The following ARHGAP27 variants were observed in gnomAD, a reference collection of about 807,000 sequenced individuals.
The protein encoded by ARHGAP27 is rho GTPase-activating protein 27.
Under a neutral mutation model 102.0 loss-of-function variants are expected in ARHGAP27, and 53 were observed. That is an observed-to-expected ratio of 0.52 (90% confidence interval 0.42 to 0.65). ARHGAP27 has a LOEUF of 0.65. Ranked by LOEUF, ARHGAP27 falls within the 30% of genes least tolerant of loss-of-function variation. The probability of loss-of-function intolerance (pLI) is 0.00; values close to 1 mark genes in which losing one functional copy is unlikely to be tolerated. For missense variants in ARHGAP27, 1,117 were observed against 1,256.2 expected (o/e 0.89, Z 1.68); for synonymous variants, 525 against 542.8 (o/e 0.97, Z 0.46).
Position 45,429,613 on chromosome 17 carries a change from G to A in ARHGAP27, c.657+10C>T, listed in dbSNP as rs1416287840. 2 of 1,576,380 alleles carry A rather than the reference G, an allele frequency of 1.3e-6. No homozygotes were observed. The highest frequency in any genetic ancestry group is 1.7e-6 in the Non-Finnish European group (2 of 1,161,180). On this transcript the variant is annotated intron_variant, in intron 4 of 19. Coordinates refer to ENST00000685559, the MANE Select transcript of ARHGAP27 (RefSeq NM_001282290.2). ...CACCCGCCTCCGCGCCCCAGCGCCC[G>A]GGGAGGTACCTGCTCTGCGCTCTCC...
At chr17:45,425,493 C>T (rs1464924413) in intron 4 of ARHGAP27, 4 of 944,168 alleles carry the variant, frequency 4.2e-6, no homozygotes, top group Non-Finnish European at 5.0e-6. Flanking sequence ...TTTTAGGATT[C>T]GGGAAAGGGA....
At chr17:45,397,296 T>A (rs2045872596) in intron 13 of ARHGAP27, 1 of 1,339,372 alleles carries the variant, frequency 7.5e-7, no homozygotes, top group Non-Finnish European at 9.5e-7. Context: ...CCTACCCACC[T>A]GGTGCCTTCT....
At chr17:45,398,146 C>A in intron 12 of ARHGAP27, 99 bp from the exon 13 acceptor site, 1 of 897,468 alleles carries the variant, frequency 1.1e-6, no homozygotes, top group African/African-American at 1.7e-5. Flanking sequence ...GGTGACCTGT[C>A]CCTGCCCCCA....
intron 4 of ARHGAP27, among the ~76,000 whole-genome samples, chr17:45,420,255 C>T (rs2048898761): frequency 6.6e-6 from 1 of 152,226 alleles, no homozygotes; most frequent in South Asian, 2.1e-4. Flanking sequence ...TAGGTACAAT[C>T]TCCAAGATAC....
chr17:45,405,037 C>T lies in ARHGAP27; in HGVS notation c.1135G>A (p.Gly379Ser). Residue 379 changes from glycine (G) to serine (S), a missense_variant, in exon 6 of 20, where the codon GGC becomes AGC. Around this residue, in one of 3 missense-constraint regions of ARHGAP27, gnomAD observed 610 missense variants for 716.4 expected, o/e 0.85. Coordinates refer to ENST00000685559, the MANE Select transcript of ARHGAP27 (RefSeq NM_001282290.2). The part of the protein sequence containing the change: ...SYPEEDYSPV[G>S]SFGEPGPTSP... Reference sequence around the variant, plus strand: ...GTAGGGCCGGGCTCACCGAAAGAGCCCACGGGAGAATAGTCCTCCTCGGGG... The same window carrying T: ...GTAGGGCCGGGCTCACCGAAAGAGCTCACGGGAGAATAGTCCTCCTCGGGG... The T allele has an allele frequency of 6.2e-7, 1 of 1,613,554 alleles. No homozygotes were observed. The highest frequency in any genetic ancestry group is 1.7e-4 in the Middle Eastern group (1 of 6,054).
intron 9 of ARHGAP27, 26 bp from the exon 10 acceptor site, chr17:45,404,122 G>A (rs994917579): frequency 9.3e-6 from 15 of 1,613,470 alleles, no homozygotes; most frequent in African/African-American, 2.7e-5. Flanking sequence ...GAGAGCAGGC[G>A]CAAGAGTGTG....
At chr17:45,412,927 T>C (rs965551450) in intron 4 of ARHGAP27, among the ~76,000 whole-genome samples, 2 of 143,618 alleles carry the variant, frequency 1.4e-5, no homozygotes, top group African/African-American at 2.5e-5. Flanking sequence ...GATTTGACTG[T>C]GCCTCCCAGG....
Position 45,395,462 on chromosome 17 carries a change from C to T in ARHGAP27, c.2664G>A (p.Pro888=), listed in dbSNP as rs890757550. 2.6e-6 allele frequency: 4 copies of T among 1,558,888 alleles called. No homozygotes were observed. In the Admixed American group the frequency reaches 5.7e-5, roughly 22 times the overall value. The change falls in exon 20 of 20, where the codon CCG becomes CCA. Residue 888 remains proline (P), a synonymous_variant. Coordinates refer to ENST00000685559, the MANE Select transcript of ARHGAP27 (RefSeq NM_001282290.2). ...ILQQCADIFP[P]H is the part of the protein sequence containing the mutation. ...CCCAGTCACAGGCCAGCAGTCAGTG[C>T]GGCGGGAAGATGTCCGCGCACTGCT...
At chr17:45,402,912 T>A in intron 11 of ARHGAP27, 94 bp from the exon 12 acceptor site, 1 of 1,126,424 alleles carries the variant, frequency 8.9e-7, no homozygotes, top group Middle Eastern at 2.1e-4. Flanking sequence ...GTCACTGGCA[T>A]GGCCAGGAAA....
In ARHGAP27 at chr17:45,429,692, G is replaced by T; in HGVS notation, c.588C>A (p.Ser196Arg). Residue 196 changes from serine (S) to arginine (R), a missense_variant, in exon 4 of 20, where the codon AGC becomes AGA. By Grantham distance (110) the Ser-to-Arg change is moderately radical (BLOSUM62 -1). Coordinates refer to ENST00000685559, the MANE Select transcript of ARHGAP27 (RefSeq NM_001282290.2). ...TGACCTCGTAGACGTTCTCTGAGTCGCTGCGCGCCAGAGGCCGCGGGCACA... is the reference window on the plus strand; with the variant it reads ...TGACCTCGTAGACGTTCTCTGAGTCTCTGCGCGCCAGAGGCCGCGGGCACA... ...SWVCPRPLAR[S>R]DSENVYEVIQ... 9 of 1,565,970 alleles carry T rather than the reference G, an allele frequency of 5.7e-6. No homozygotes were observed. Among genetic ancestry groups the T allele is most frequent in the Non-Finnish European group, 6.9e-6 (8 of 1,155,482 alleles).
intron 4 of ARHGAP27, chr17:45,407,935 T>C (rs2144620786): frequency 6.6e-6 from 1 of 152,254 alleles, no homozygotes; most frequent in East Asian, 1.9e-4. Context: ...GCACTGTGAT[T>C]ATAGGGGTTT....
In ARHGAP27 at chr17:45,430,435, A is replaced by AG; in HGVS notation, c.-18-139_-18-138insC. 2 of 1,276,582 alleles carry AG rather than the reference A, an allele frequency of 1.6e-6. No homozygotes were observed. Among genetic ancestry groups the AG allele is most frequent in the Non-Finnish European group, 2.1e-6 (2 of 955,108 alleles). 79.1% of individuals were successfully genotyped at this position (1,276,582 alleles called of 1,614,324 possible). On this transcript the variant is annotated intron_variant, in intron 3 of 19. Coordinates refer to ENST00000685559, the MANE Select transcript of ARHGAP27 (RefSeq NM_001282290.2). The surrounding 1 kb of genome is among the most constrained non-coding windows in gnomAD (Gnocchi z 4.4). The stretch of plus-strand genomic sequence containing the variant: ...TTCGGGCCTCAGTTTTCCCATCTCT[A>AG]AAATGGGAACTTGCATAAAATCACA...
At chr17:45,416,036 T>TTG (rs1407199638) in intron 4 of ARHGAP27, among the ~76,000 whole-genome samples, 1 of 151,900 alleles carries the variant, frequency 6.6e-6, no homozygotes, top group Admixed American at 6.6e-5. Context: ...GTTTTTGTTT[T>TTG]TTTTTTTTGT....
At position 45,427,962 on chromosome 17, in the gene ARHGAP27, T is replaced by G. The variant is rs572284342; in HGVS notation, c.657+1661A>C. ...CAGGACCTGGGCAGTCTCCTTCCTC[T>G]TTGGTCCTGGGGCCTGGGGTGTTGG... On this transcript the variant is annotated intron_variant, in intron 4 of 19. Transcript: ENST00000685559. This position sits in a 1 kb window ranked among gnomAD's most constrained non-coding sequence, Gnocchi z 4.5. 5.9e-5 allele frequency among the ~76,000 whole-genome samples: 9 copies of G among 152,322 alleles called. No individual in the cohort carries two copies. In the South Asian group the frequency reaches 1.7e-3, roughly 28 times the overall value.
At chr17:45,421,526 T>C (rs1414941912) in intron 4 of ARHGAP27, among the ~76,000 whole-genome samples, 7 of 151,758 alleles carry the variant, frequency 4.6e-5, no homozygotes, top group Non-Finnish European at 1.0e-4. Flanking sequence ...AAGCAACAAA[T>C]AGATGTTCCT....
rs1597874562 is a variant in ARHGAP27, at chr17:45,427,784, C to T, written c.657+1839G>A. On this transcript the variant is annotated intron_variant, in intron 4 of 19. Coordinates refer to ENST00000685559, the MANE Select transcript of ARHGAP27 (RefSeq NM_001282290.2). The surrounding 1 kb of genome is among the most constrained non-coding windows in gnomAD (Gnocchi z 4.5). ...TCTCTGGCCAATGTCCTAGATTCCC[C>T]CCCTGGGTAAGTCCCCTACCCCTAT... Among the ~76,000 whole-genome samples the T allele has an allele frequency of 6.6e-6, 1 of 152,200 alleles. No individual in the cohort carries two copies. Among genetic ancestry groups the T allele is most frequent in the Non-Finnish European group, 1.5e-5 (1 of 68,026 alleles).
chr17:45,426,958 C>G (rs752981144), intron 4 of ARHGAP27, among the ~76,000 whole-genome samples: 1 of 152,168 alleles, frequency 6.6e-6, no homozygotes, highest in Non-Finnish European at 1.5e-5. Flanking sequence ...CACTCTCATG[C>G]TTCTCTTCCC....
At position 45,403,718 on chromosome 17, in the gene ARHGAP27, G is replaced by A. The variant is rs772188351; in HGVS notation, c.1548-9C>T. 9.9e-6 allele frequency: 16 copies of A among 1,608,114 alleles called. No homozygotes were observed. The African/African-American group carries it at 1.9e-4, about 19-fold the overall frequency. On this transcript the variant is annotated splice_polypyrimidine_tract_variant and intron_variant, in intron 10 of 19. Coordinates refer to ENST00000685559, the MANE Select transcript of ARHGAP27 (RefSeq NM_001282290.2). ...CACTCCAGTGCTTCTTCCTAGGTGG[G>A]GGTGGGGAAGTGGGGGTGGCAGGAC...
At chr17:45,429,325 T>C (rs1372766654) in intron 4 of ARHGAP27, 2 of 989,678 alleles carry the variant, frequency 2.0e-6, no homozygotes, top group Admixed American at 4.0e-5. Flanking sequence ...ACAAGTGCGA[T>C]AAATAAAGAC....
Sources: allele counts gnomAD v4.1 joint callset (sites outside exome capture counted in the v4.1 genomes callset), GRCh38; gene constraint gnomAD v4.1.1; regional missense constraint gnomAD v4.1.1; non-coding constraint Gnocchi (gnomAD v3.1); transcripts MANE v1.5; gene names NCBI Gene and HGNC (gene_info 2026-07-23, HGNC 2026-07-21).